CNTNAP5: variants seen among roughly 807,000 people sequenced by gnomAD.
CNTNAP5 encodes contactin-associated protein-like 5.
CNTNAP5 carries 72 observed loss-of-function variants against 150.2 expected under a neutral mutation model. That is an observed-to-expected ratio of 0.48 (90% confidence interval 0.40 to 0.58). The LOEUF (loss-of-function observed/expected upper bound fraction) is 0.58. Ranked by LOEUF, CNTNAP5 falls within the 20% of genes least tolerant of loss-of-function variation. The probability of loss-of-function intolerance (pLI) is 0.00; values close to 1 mark genes in which losing one functional copy is unlikely to be tolerated. For synonymous variants in CNTNAP5, 672 were observed against 619.8 expected (o/e 1.08, Z -1.25); for missense variants, 1,636 against 1,626.2 (o/e 1.01, Z -0.10).
At chr2:124,598,368 G>C (rs1403482233) in intron 11 of CNTNAP5, among the ~76,000 whole-genome samples, 2 of 97,986 alleles carry the variant, frequency 2.0e-5, no homozygotes, top group Non-Finnish European at 4.2e-5. Context: ...TAACAGACAG[G>C]ACCCTCAGCT....
At chr2:124,201,657 T>A (rs1008954304) in intron 1 of CNTNAP5, among the ~76,000 whole-genome samples, 1 of 152,236 alleles carries the variant, frequency 6.6e-6, no homozygotes, top group Admixed American at 6.5e-5. Context: ...AGACAGTAAC[T>A]ATCATGTTAA....
intron 12 of CNTNAP5, among the ~76,000 whole-genome samples, chr2:124,644,588 G>A (rs1678164940): frequency 6.6e-6 from 1 of 152,112 alleles, no homozygotes; most frequent in Non-Finnish European, 1.5e-5. Flanking sequence ...TACTTAGAAG[G>A]AAATATAAAT....
intron 6 of CNTNAP5, among the ~76,000 whole-genome samples, chr2:124,467,126 A>G (rs1693395903): frequency 6.6e-6 from 1 of 152,212 alleles, no homozygotes; most frequent in African/African-American, 2.4e-5. Flanking sequence ...TGTATAGCAC[A>G]TAAAATATCA....
chr2:124,634,044 G>A (rs899539084), intron 12 of CNTNAP5, among the ~76,000 whole-genome samples: 1 of 152,166 alleles, frequency 6.6e-6, no homozygotes, highest in Admixed American at 6.5e-5. Context: ...GGCTGCCATG[G>A]AGGTCTCTGA....
At chr2:124,235,031 T>C (rs1686715027) in intron 2 of CNTNAP5, among the ~76,000 whole-genome samples, 1 of 151,918 alleles carries the variant, frequency 6.6e-6, no homozygotes, top group African/African-American at 2.4e-5. Context: ...TCTCTGGAGA[T>C]AGGGCCTGAG....
intron 3 of CNTNAP5, among the ~76,000 whole-genome samples, chr2:124,410,727 G>A (rs538394184): frequency 6.6e-6 from 1 of 151,840 alleles, no homozygotes; most frequent in South Asian, 2.1e-4. Flanking sequence ...CGCATTCAGA[G>A]CAGTGTGTAG....
chr2:124,236,874 C>A (rs977014229), intron 2 of CNTNAP5, among the ~76,000 whole-genome samples: 1 of 152,072 alleles, frequency 6.6e-6, no homozygotes, highest in Non-Finnish European at 1.5e-5. Flanking sequence ...TGCCTATAAT[C>A]CCAGCATTTT....
In CNTNAP5 at chr2:124,919,368, G is replaced by A. The variant is rs535790100; in HGVS notation, c.*5080G>A. 9.2e-4 allele frequency among the ~76,000 whole-genome samples: 140 copies of A among 152,210 alleles called. 1 individual carries two copies. Among genetic ancestry groups the A allele is most frequent in the Non-Finnish European group, 1.2e-3 (80 of 67,992 alleles). On this transcript the variant is annotated 3_prime_UTR_variant, in exon 24 of 24. Coordinates refer to ENST00000682447, the MANE Select transcript of CNTNAP5 (RefSeq NM_001367498.1). ...AGAACAGAAAAGCACATTTTCTAGT[G>A]AAATATTGTACTTTGTAAGCTAGAT...
At chr2:124,322,754 G>A (rs1157293049) in intron 3 of CNTNAP5, among the ~76,000 whole-genome samples, 2 of 152,140 alleles carry the variant, frequency 1.3e-5, no homozygotes, top group Non-Finnish European at 1.5e-5. Context: ...ACTTGTCCAT[G>A]GAGCAGGTCC....
At chr2:124,138,519 AGTTT>A (rs1328664635) in intron 1 of CNTNAP5, among the ~76,000 whole-genome samples, 8 of 152,100 alleles carry the variant, frequency 5.3e-5, no homozygotes, top group Admixed American at 1.3e-4. Flanking sequence ...AAGACCTTAA[AGTTT>A]GTTTGTTTAT....
At chr2:124,746,034 A>G (rs546669455) in intron 13 of CNTNAP5, among the ~76,000 whole-genome samples, 1 of 152,332 alleles carries the variant, frequency 6.6e-6, no homozygotes, top group South Asian at 2.1e-4. Flanking sequence ...GATTAGGCAA[A>G]ATTTCAACCT....
At chr2:124,588,034 C>G (rs1023702966) in intron 11 of CNTNAP5, among the ~76,000 whole-genome samples, 63 of 152,094 alleles carry the variant, frequency 4.1e-4, no homozygotes, top group African/African-American at 1.4e-3. Context: ...AGGCCTGTCA[C>G]GATTTAATAA....
chr2:124,906,533 T>G (rs550718061), intron 22 of CNTNAP5, among the ~76,000 whole-genome samples: 4 of 152,082 alleles, frequency 2.6e-5, no homozygotes, highest in Non-Finnish European at 4.4e-5. Flanking sequence ...TCATGATGTG[T>G]TAGTAGGAAG....
At chr2:124,553,979 G>A (rs1435057056) in intron 10 of CNTNAP5, among the ~76,000 whole-genome samples, 1 of 152,164 alleles carries the variant, frequency 6.6e-6, no homozygotes, top group Non-Finnish European at 1.5e-5. Context: ...GTGTTCTGGT[G>A]CCTGCAAAGG....
chr2:124,274,829 A>G (rs577133517), intron 3 of CNTNAP5, among the ~76,000 whole-genome samples: 2 of 152,146 alleles, frequency 1.3e-5, no homozygotes, highest in Non-Finnish European at 2.9e-5. Flanking sequence ...ACAGAGGTCA[A>G]GAAGCTCTGG....
chr2:124,460,934 A>G (rs1312757578), intron 6 of CNTNAP5, among the ~76,000 whole-genome samples: 1 of 152,226 alleles, frequency 6.6e-6, no homozygotes, highest in Non-Finnish European at 1.5e-5. Flanking sequence ...TAAACTGAAA[A>G]AAATAAAGAA....
Position 124,907,565 on chromosome 2 carries a change from C to G in CNTNAP5, c.3656-3902C>G, listed in dbSNP as rs1416037134. On this transcript the variant is annotated intron_variant, in intron 22 of 23. Coordinates refer to ENST00000682447, the MANE Select transcript of CNTNAP5 (RefSeq NM_001367498.1). ...ATATATAAAATATATAGATCTTGAT[C>G]TATATCTATAATTATATCTATATCT... Among the ~76,000 whole-genome samples the G allele has an allele frequency of 3.4e-5, 5 of 147,424 alleles. No homozygotes were observed. The East Asian group carries it at 9.8e-4, about 29-fold the overall frequency.
At chr2:124,040,961 G>A (rs914312636) in intron 1 of CNTNAP5, among the ~76,000 whole-genome samples, 3 of 152,016 alleles carry the variant, frequency 2.0e-5, no homozygotes, top group African/African-American at 7.3e-5. Flanking sequence ...TCTTGGTTTT[G>A]TCCTTTACAA....
chr2:124,750,871 C>T (rs1680709266), intron 14 of CNTNAP5, among the ~76,000 whole-genome samples: 1 of 150,878 alleles, frequency 6.6e-6, no homozygotes, highest in Non-Finnish European at 1.5e-5. Flanking sequence ...GTAGTTTCAG[C>T]TACTCAGGAG....
Sources: gnomAD v4.1 joint callset for allele counts (sites outside exome capture counted in the v4.1 genomes callset) on GRCh38, gnomAD v4.1.1 for gene constraint, MANE v1.5 for transcripts, NCBI Gene and HGNC (gene_info 2026-07-23, HGNC 2026-07-21) for gene names.